Variants in ATP2C1 observed in about 807,000 individuals in gnomAD.
ATP2C1 encodes calcium-transporting ATPase type 2C member 1.
Under a neutral mutation model 120.5 loss-of-function variants are expected in ATP2C1, and 31 were observed. That is an observed-to-expected ratio of 0.26 (90% CI 0.19 to 0.35). ATP2C1 has a LOEUF of 0.35. Among genes scored for constraint, ATP2C1 ranks in the 10% least tolerant of loss-of-function variants. ATP2C1 has a pLI of 1.00. For synonymous variants in ATP2C1, 351 were observed against 358.7 expected (o/e 0.98, Z 0.24); for missense variants, 731 against 1,107.5 (o/e 0.66, Z 4.83).
At chr3:130,906,339 CT>C (rs1370106757) in intron 2 of ATP2C1, among the ~76,000 whole-genome samples, 2 of 151,892 alleles carry the variant, frequency 1.3e-5, no homozygotes, top group African/African-American at 4.8e-5. Flanking sequence ...AATATGTGAC[CT>C]TTTATGTCTG....
intron 2 of ATP2C1, among the ~76,000 whole-genome samples, chr3:130,912,948 T>G (rs1056301898): frequency 1.3e-5 from 2 of 150,766 alleles, no homozygotes; most frequent in African/African-American, 4.9e-5. Context: ...TTCATGTCCT[T>G]TGTAGGGACA....
At chr3:130,971,769 T>G (rs572565017) in intron 17 of ATP2C1, among the ~76,000 whole-genome samples, 1 of 152,276 alleles carries the variant, frequency 6.6e-6, no homozygotes, top group South Asian at 2.1e-4. Context: ...CGGTTAGCCT[T>G]CCTTTACCCC....
chr3:130,956,025 C>A, intron 10 of ATP2C1, 79 bp from the exon 11 acceptor site: 1 of 936,804 alleles, frequency 1.1e-6, no homozygotes. Context: ...CTTTGTCAAG[C>A]ACTTAGCAAG....
intron 12 of ATP2C1, among the ~76,000 whole-genome samples, chr3:130,961,623 T>C (rs1043697693): frequency 3.3e-5 from 5 of 152,106 alleles, no homozygotes; most frequent in Non-Finnish European, 5.9e-5. Flanking sequence ...TCTTATTCTT[T>C]AGTTTTCTTA....
chr3:130,973,579 A>AG (rs1275436694), intron 17 of ATP2C1, among the ~76,000 whole-genome samples: 3 of 152,154 alleles, frequency 2.0e-5, no homozygotes, highest in South Asian at 2.1e-4. Context: ...TGCTGGACAA[A>AG]GGGATGATGT....
At chr3:130,928,521 A>G (rs1451756450) in intron 2 of ATP2C1, among the ~76,000 whole-genome samples, 1 of 152,242 alleles carries the variant, frequency 6.6e-6, no homozygotes, top group Non-Finnish European at 1.5e-5. Context: ...GCTGGGTACT[A>G]GAGTTAGCAA....
At chr3:130,996,527 T>C (rs1390524930) in intron 23 of ATP2C1, among the ~76,000 whole-genome samples, 153 bp from the exon 24 acceptor site, 2 of 152,230 alleles carry the variant, frequency 1.3e-5, no homozygotes, top group Non-Finnish European at 2.9e-5. Flanking sequence ...ACTCTTAGCT[T>C]TAAAATGTCC....
chr3:131,011,674 G>A (rs145649631), intron 26 of ATP2C1, among the ~76,000 whole-genome samples: 9 of 152,322 alleles, frequency 5.9e-5, no homozygotes, highest in Admixed American at 2.6e-4. Flanking sequence ...CCTGGTGACC[G>A]CTGTTTCCTT....
chr3:131,006,215 G>T (rs2063103371), downstream of ATP2C1, among the ~76,000 whole-genome samples: 2 of 152,208 alleles, frequency 1.3e-5, no homozygotes, highest in Non-Finnish European at 2.9e-5. Context: ...GAGTTCAAGT[G>T]ATTCTCCTGC....
chr3:130,985,894 C>T (rs914974065), intron 20 of ATP2C1, among the ~76,000 whole-genome samples: 4 of 152,022 alleles, frequency 2.6e-5, no homozygotes, highest in African/African-American at 9.7e-5. Flanking sequence ...CTATGTGGCA[C>T]TGCTGTTTTT....
At chr3:131,001,194 A>G in intron 27 of ATP2C1, 26 bp from the exon 28 acceptor site, 3 of 1,607,620 alleles carry the variant, frequency 1.9e-6, no homozygotes, top group Admixed American at 1.7e-5. Flanking sequence ...AAAGAAATGT[A>G]AAACCCAACT....
intron 1 of ATP2C1, among the ~76,000 whole-genome samples, chr3:130,877,454 C>G (rs1222225712): frequency 6.6e-6 from 1 of 152,170 alleles, no homozygotes; most frequent in Non-Finnish European, 1.5e-5. Flanking sequence ...AAAAATCAAA[C>G]AACCCCATCA....
chr3:130,911,859 A>C (rs2108124376), intron 2 of ATP2C1, among the ~76,000 whole-genome samples: 1 of 145,300 alleles, frequency 6.9e-6, no homozygotes, highest in East Asian at 2.0e-4. Flanking sequence ...CTATACTACA[A>C]GGCTACAGTA....
intron 11 of ATP2C1, among the ~76,000 whole-genome samples, chr3:130,956,998 G>A (rs934233058): frequency 1.3e-5 from 2 of 152,058 alleles, no homozygotes; most frequent in African/African-American, 4.8e-5. Flanking sequence ...GAGGCATGTG[G>A]AATAAACTTG....
chr3:130,986,548 C>T (rs754552889), intron 20 of ATP2C1, among the ~76,000 whole-genome samples: 15 of 152,028 alleles, frequency 9.9e-5, no homozygotes, highest in Non-Finnish European at 2.2e-4. Flanking sequence ...AGTGTGTGTG[C>T]GTTAATTATA....
At chr3:130,887,063 T>C (rs1243665166) in intron 1 of ATP2C1, among the ~76,000 whole-genome samples, 2 of 152,170 alleles carry the variant, frequency 1.3e-5, no homozygotes, top group African/African-American at 2.4e-5. Context: ...CCTAGTAAGG[T>C]TGTGGTTCTT....
intron 21 of ATP2C1, among the ~76,000 whole-genome samples, chr3:130,993,612 G>A (rs2062457519): frequency 6.6e-6 from 1 of 152,298 alleles, no homozygotes; most frequent in South Asian, 2.1e-4. Flanking sequence ...CCCAAATCCT[G>A]ATAGTCCAAA....
At chr3:130,982,498 T>G (rs922382865) in intron 20 of ATP2C1, among the ~76,000 whole-genome samples, 5 of 152,162 alleles carry the variant, frequency 3.3e-5, no homozygotes, top group African/African-American at 7.2e-5. Context: ...CCATAAGAGG[T>G]GGGCAGCAGT....
chr3:130,934,806 A>G (rs2059597061), intron 5 of ATP2C1, 95 bp downstream of exon 5: 1 of 856,124 alleles, frequency 1.2e-6, no homozygotes, highest in Non-Finnish European at 1.9e-6. Context: ...GTGCTCTCAG[A>G]TTTTTTTCAG....
Sources: allele counts gnomAD v4.1 joint callset (sites outside exome capture counted in the v4.1 genomes callset), GRCh38; gene constraint gnomAD v4.1.1; transcripts MANE v1.5; gene names NCBI Gene and HGNC (gene_info 2026-07-23, HGNC 2026-07-21).